Variants in SEMA3G observed in about 807,000 individuals in gnomAD.
SEMA3G encodes the protein semaphorin 3G.
Under a neutral mutation model 86.2 loss-of-function variants are expected in SEMA3G, and 70 were observed. The observed-to-expected ratio is 0.81, with a 90% CI of 0.67 to 0.99. The LOEUF (loss-of-function observed/expected upper bound fraction) is 0.99. Among genes scored for constraint, SEMA3G ranks in the 50% least tolerant of loss-of-function variants. The pLI, the probability that SEMA3G is intolerant of heterozygous loss-of-function variation, is 0.00. For synonymous variants in SEMA3G, 416 were observed against 441.4 expected (o/e 0.94, Z 0.72); for missense variants, 1,002 against 1,072.4 (o/e 0.93, Z 0.92).
chr3:52,439,654 G>T, intron 12 of SEMA3G, 26 bp downstream of exon 12: 1 of 1,584,112 alleles, frequency 6.3e-7, no homozygotes, highest in Non-Finnish European at 8.7e-7. Flanking sequence ...GGCTTGGAGG[G>T]ACCCTTCCAT....
chr3:52,440,202 G>T, intron 10 of SEMA3G, 104 bp from the exon 11 acceptor site: 1 of 1,220,440 alleles, frequency 8.2e-7, no homozygotes. Context: ...TCTCACTGCA[G>T]GAGGGCTCTC....
At position 52,441,359 on chromosome 3, in the gene SEMA3G, T is replaced by C; in HGVS notation, c.718A>G (p.Asn240Asp). ...GAGAAGAAGAAGTACACCTTGTCAT[T>C]GTCCTGGTCAGAGTTCTCAGGGATC... The part of the protein sequence containing the change: ...ARIPENSDQD[N>D]DKVYFFFSET... The change falls in exon 7 of 16, where the codon AAT becomes GAT. Residue 240 changes from asparagine (N) to aspartate (D), a missense_variant. Asn to Asp is a conservative substitution (Grantham distance 23, BLOSUM62 1). Transcript: ENST00000231721. 6.2e-7 allele frequency: 1 copy of C among 1,613,816 alleles called. No homozygotes were observed. The highest frequency in any genetic ancestry group is 8.5e-7 in the Non-Finnish European group (1 of 1,179,988).
In SEMA3G at chr3:52,442,485, G is replaced by T; in HGVS notation, c.339+74C>A. ...AATGCCCCTGGTAGAGGTACCTGGGGCGTGGTCACGGATTGTCCTGGGGGT... is the reference window on the plus strand; with the variant it reads ...AATGCCCCTGGTAGAGGTACCTGGGTCGTGGTCACGGATTGTCCTGGGGGT... On this transcript the variant is annotated intron_variant, in intron 3 of 15. Transcript: ENST00000231721. The surrounding 1 kb of genome is among the most constrained non-coding windows in gnomAD (Gnocchi z 6.1). 6.5e-7 allele frequency: 1 copy of T among 1,544,162 alleles called. No individual in the cohort carries two copies. The highest frequency in any genetic ancestry group is 1.7e-5 in the Admixed American group (1 of 59,696).
chr3:52,444,558 TCGGCACAC>T (rs1706223999), intron 1 of SEMA3G, among the ~76,000 whole-genome samples: 1 of 48,982 alleles, frequency 2.0e-5, no homozygotes, highest in African/African-American at 8.2e-5. Context: ...GCACACAAAC[TCGGCACAC>T]GCACACAAAC....
intron 1 of SEMA3G, among the ~76,000 whole-genome samples, chr3:52,444,672 AC>A (rs1706227497): frequency 7.3e-6 from 1 of 137,580 alleles, no homozygotes; most frequent in Non-Finnish European, 1.6e-5. Flanking sequence ...GCACACAAAC[AC>A]GGCACACGCA....
intron 1 of SEMA3G, chr3:52,443,206 C>T (rs1706193835): frequency 1.9e-6 from 1 of 525,926 alleles, no homozygotes; most frequent in South Asian, 1.8e-5. Flanking sequence ...GTGCCCTACC[C>T]AGTCCCCAGG....
intron 7 of SEMA3G, 28 bp from the exon 8 acceptor site, chr3:52,441,076 T>C (rs746105794): frequency 3.2e-6 from 5 of 1,558,498 alleles, no homozygotes; most frequent in East Asian, 2.2e-5. Context: ...AGAGTCACGC[T>C]TGGGCCCCAC....
Position 52,435,545 on chromosome 3 carries a change from G to A in SEMA3G, c.*58C>T. 1.3e-6 allele frequency: 2 copies of A among 1,520,790 alleles called. No individual in the cohort carries two copies. The highest frequency in any genetic ancestry group is 1.8e-6 in the Non-Finnish European group (2 of 1,120,514). 94.2% of individuals were successfully genotyped at this position (1,520,790 alleles called of 1,614,324 possible). A position where few individuals can be genotyped will look rare whatever the true frequency, so the allele number is the denominator to read the frequency against. On this transcript the variant is annotated 3_prime_UTR_variant, in exon 16 of 16. Coordinates refer to ENST00000231721, the MANE Select transcript of SEMA3G (RefSeq NM_020163.3). ...TGCCCTAGCTGGGTGGGTGGGAGAT[G>A]CTGGGGGCTGCTAGTGGGCCCCCCA...
chr3:52,444,212 T>A (rs1266520518), intron 1 of SEMA3G, among the ~76,000 whole-genome samples: 1 of 151,908 alleles, frequency 6.6e-6, no homozygotes, highest in Non-Finnish European at 1.5e-5. Context: ...AGCCCCACCC[T>A]CTCTGTCACT....
chr3:52,436,105 T>C, intron 15 of SEMA3G, 32 bp from the exon 16 acceptor site: 1 of 1,573,264 alleles, frequency 6.4e-7, no homozygotes. Flanking sequence ...GTGAGTAGGG[T>C]GCAAGGTGGG....
At chr3:52,436,344 A>G (rs1375528353) in intron 15 of SEMA3G, among the ~76,000 whole-genome samples, 2 of 152,316 alleles carry the variant, frequency 1.3e-5, no homozygotes, top group East Asian at 3.9e-4. Context: ...GAGGACTCCA[A>G]TCTTGGCCTC....
In SEMA3G at chr3:52,442,111, A is replaced by AATGG; in HGVS notation, c.459+70_459+73dup. The AATGG allele has an allele frequency of 6.5e-7, 1 of 1,537,380 alleles. No individual in the cohort carries two copies. Among genetic ancestry groups the AATGG allele is most frequent in the South Asian group, 1.2e-5 (1 of 82,822 alleles). ...TGCCCCTCTGTCCCTACCCAGGCTC[A>AATGG]ATGGGAATGTTCAGGCAGCAGGGAG... On this transcript the variant is annotated intron_variant, in intron 4 of 15. Transcript: ENST00000231721. This position sits in a 1 kb window ranked among gnomAD's most constrained non-coding sequence, Gnocchi z 6.1.
chr3:52,437,832 G>T, intron 14 of SEMA3G, 139 bp downstream of exon 14: 1 of 1,100,836 alleles, frequency 9.1e-7, no homozygotes, highest in Non-Finnish European at 1.3e-6. Context: ...CCATGCACTA[G>T]CAGGAGCTAC....
chr3:52,442,883 G>A lies in SEMA3G; in HGVS notation c.140C>T (p.Ala47Val), dbSNP rs138988057. The change falls in exon 2 of 16, where the codon GCC becomes GTC. Residue 47 changes from alanine to valine, a missense_variant. Coordinates refer to ENST00000231721, the MANE Select transcript of SEMA3G (RefSeq NM_020163.3). The surrounding 1 kb of genome is among the most constrained non-coding windows in gnomAD (Gnocchi z 6.1). ...GGAGCCCTGGGGGCCCAGAAAGATG[G>A]CAGAGCGGTTGGCAGACAGGAGGTC... ...YRDLLSANRS[A>V]IFLGPQGSLN... The A allele has an allele frequency of 2.9e-3, 4,722 of 1,604,856 alleles. 51 individuals carry two copies. Among genetic ancestry groups the A allele is most frequent in the Non-Finnish European group, 1.9e-3 (2,283 of 1,175,700 alleles).
intron 1 of SEMA3G, among the ~76,000 whole-genome samples, chr3:52,443,987 C>A (rs1578260374): frequency 6.6e-6 from 1 of 152,220 alleles, no homozygotes; most frequent in Non-Finnish European, 1.5e-5. Context: ...ACAGGAACCC[C>A]CAGGCTGGGA....
intron 12 of SEMA3G, among the ~76,000 whole-genome samples, chr3:52,439,199 C>A (rs1706101423): frequency 6.6e-6 from 1 of 152,150 alleles, no homozygotes; most frequent in Non-Finnish European, 1.5e-5. Flanking sequence ...GCTAGAGTGT[C>A]CCCTCTCTCA....
In SEMA3G at chr3:52,442,777, C is replaced by T. The variant is rs1325838900; in HGVS notation, c.246G>A (p.Arg82=). 1.2e-6 allele frequency: 2 copies of T among 1,614,052 alleles called. No individual in the cohort carries two copies. The highest frequency in any genetic ancestry group is 2.2e-5 in the East Asian group (1 of 44,872). The change falls in exon 2 of 16, where the codon CGG becomes CGA. Residue 82 remains arginine, a synonymous_variant. Coordinates refer to ENST00000231721, the MANE Select transcript of SEMA3G (RefSeq NM_020163.3). This position sits in a 1 kb window ranked among gnomAD's most constrained non-coding sequence, Gnocchi z 6.1. ...LGGLDALYSL[R]LDQAWPDPRE... is the part of the protein sequence containing the mutation. ...GGGGATCTGGCCATGCCTGGTCCAG[C>T]CGCAGAGAGTAGAGGGCGTCCAGGC...
Position 52,442,989 on chromosome 3 carries a change from C to A in SEMA3G, c.116-82G>T. The A allele has an allele frequency of 6.5e-7, 1 of 1,548,594 alleles. No individual in the cohort carries two copies. Among genetic ancestry groups the A allele is most frequent in the Non-Finnish European group, 8.7e-7 (1 of 1,147,024 alleles). On this transcript the variant is annotated intron_variant, in intron 1 of 15. Transcript: ENST00000231721. This position sits in a 1 kb window ranked among gnomAD's most constrained non-coding sequence, Gnocchi z 6.1. ...CAAGGAGTGGAGGTGGAGGCCCCGG[C>A]TGAGCATCCACCCCTGACACACTCA...
Position 52,439,893 on chromosome 3 carries a change from G to T in SEMA3G, c.1349C>A (p.Thr450Asn), listed in dbSNP as rs1215779154. The change falls in exon 11 of 16, where the codon ACC becomes AAC. Residue 450 changes from threonine to asparagine, a missense_variant. Transcript: ENST00000231721. ...VVDRVEAEDGTYDVIFLGTDS... is the reference protein window; with the variant it reads ...VVDRVEAEDGNYDVIFLGTDS... ...AGTCCCCAGGAAAATGACATCGTAGGTCCCATCCTCTGCCTCCACGCGGTC... is the reference window on the plus strand; with the variant it reads ...AGTCCCCAGGAAAATGACATCGTAGTTCCCATCCTCTGCCTCCACGCGGTC... 5 of 1,613,518 alleles carry T rather than the reference G, an allele frequency of 3.1e-6. No individual in the cohort carries two copies. Among genetic ancestry groups the T allele is most frequent in the Non-Finnish European group, 4.2e-6 (5 of 1,179,902 alleles).
Sources: gnomAD v4.1 joint callset for allele counts (sites outside exome capture counted in the v4.1 genomes callset) on GRCh38, gnomAD v4.1.1 for gene constraint, Gnocchi (gnomAD v3.1) non-coding constraint, MANE v1.5 for transcripts, NCBI Gene and HGNC (gene_info 2026-07-23, HGNC 2026-07-21) for gene names.